NDUFS4: variants seen among roughly 807,000 people sequenced by gnomAD.
NDUFS4 encodes the protein NADH:ubiquinone oxidoreductase subunit S4, also known as NADH dehydrogenase [ubiquinone] iron-sulfur protein 4, mitochondrial.
In NDUFS4, 28 loss-of-function variants were observed where a neutral mutation model predicts 24.3. The ratio of observed to expected loss-of-function variants is 1.15; its 90% CI spans 0.85 to 1.58. The LOEUF is 1.58. NDUFS4 is among the 40% of genes most tolerant of loss of function. The pLI is 0.00. For missense variants in NDUFS4, 223 were observed against 207.9 expected, an observed-to-expected ratio of 1.07 and a Z score of -0.45; for synonymous variants, 93 against 69.7, an observed-to-expected ratio of 1.34 and a Z score of -1.67.
chr5:53,626,593 T>C (rs1751233174), intron 2 of NDUFS4, among the ~76,000 whole-genome samples: 1 of 152,250 alleles, frequency 6.6e-6, no homozygotes, highest in South Asian at 2.1e-4. Flanking sequence ...TGAGATGGTA[T>C]CTCATTGTGG....
At chr5:53,680,920 T>G (rs914994442) in intron 4 of NDUFS4, among the ~76,000 whole-genome samples, 12 of 152,170 alleles carry the variant, frequency 7.9e-5, no homozygotes, top group Admixed American at 5.9e-4. Context: ...AATGCTCTTG[T>G]CTCAGGGCCT....
intron 4 of NDUFS4, among the ~76,000 whole-genome samples, chr5:53,659,852 T>C (rs1369374460): frequency 6.6e-6 from 1 of 152,186 alleles, no homozygotes; most frequent in African/African-American, 2.4e-5. Context: ...AATCTGTATG[T>C]CACTACCTGT....
At chr5:53,659,135 G>T (rs1026063941) in intron 4 of NDUFS4, among the ~76,000 whole-genome samples, 1 of 152,024 alleles carries the variant, frequency 6.6e-6, no homozygotes, top group Non-Finnish European at 1.5e-5. Flanking sequence ...GATATAGTGG[G>T]CCTAATACCA....
chr5:53,607,068 A>G (rs757500835), intron 2 of NDUFS4, among the ~76,000 whole-genome samples: 1 of 152,216 alleles, frequency 6.6e-6, no homozygotes, highest in Non-Finnish European at 1.5e-5. Context: ...AATCCACAAT[A>G]CAGAAGGCAC....
chr5:53,627,253 TA>T (rs1281391443), intron 2 of NDUFS4, among the ~76,000 whole-genome samples: 1 of 152,212 alleles, frequency 6.6e-6, no homozygotes, highest in Non-Finnish European at 1.5e-5. Flanking sequence ...TCTGTTTTGG[TA>T]CCAGTACCAT....
intron 2 of NDUFS4, among the ~76,000 whole-genome samples, chr5:53,610,343 G>T (rs776805379): frequency 1.3e-5 from 2 of 152,024 alleles, no homozygotes. Flanking sequence ...TAATATGGAC[G>T]CAGTTTGTGG....
chr5:53,671,578 G>A (rs1042909495), intron 4 of NDUFS4, among the ~76,000 whole-genome samples: 4 of 152,120 alleles, frequency 2.6e-5, no homozygotes, highest in African/African-American at 7.2e-5. Context: ...TATCATCTGG[G>A]GTTTCCTCTG....
In NDUFS4 at chr5:53,645,730, G is replaced by A. The variant is rs62371574; in HGVS notation, c.178-503G>A. Among the ~76,000 whole-genome samples the A allele has an allele frequency of 3.4e-3, 520 of 152,230 alleles. 1 individual carries two copies. The highest frequency in any genetic ancestry group is 4.7e-3 in the Non-Finnish European group (319 of 67,990). On this transcript the variant is annotated intron_variant, in intron 2 of 4. Transcript: ENST00000296684. ...TTTACAACTTTACAAAAAGGTTCAG[G>A]TTTCCCTCTCAAGGTAATGCCTTGT... is the stretch of plus-strand genomic sequence containing the variant.
chr5:53,566,398 A>C (rs1446003043), intron 1 of NDUFS4, among the ~76,000 whole-genome samples: 2 of 152,152 alleles, frequency 1.3e-5, no homozygotes, highest in Non-Finnish European at 2.9e-5. Flanking sequence ...TCCAAGTAGC[A>C]TTTGTTTTTA....
chr5:53,634,170 T>C (rs757015063), intron 2 of NDUFS4, among the ~76,000 whole-genome samples: 3 of 152,240 alleles, frequency 2.0e-5, no homozygotes, highest in African/African-American at 4.8e-5. Flanking sequence ...TTTATTCTTA[T>C]GCTAAATTGA....
chr5:53,673,424 A>C (rs889436424), intron 4 of NDUFS4, among the ~76,000 whole-genome samples: 1 of 152,142 alleles, frequency 6.6e-6, no homozygotes, highest in Non-Finnish European at 1.5e-5. Flanking sequence ...AGTTTTGGGA[A>C]GGTAAATATC....
At chr5:53,621,990 G>A (rs1751054027) in intron 2 of NDUFS4, among the ~76,000 whole-genome samples, 1 of 151,836 alleles carries the variant, frequency 6.6e-6, no homozygotes, top group Admixed American at 6.6e-5. Context: ...GTGAGCCACC[G>A]CGCCCGGCCG....
At position 53,652,938 on chromosome 5, in the gene NDUFS4, C is replaced by CTT. The variant is rs576656800; in HGVS notation, c.351-5602_351-5601dup. ...AAAGATAACTATTGGTTATTAATCT[C>CTT]TTTTTTTTTTTTACAATCTTTTATC... is the stretch of plus-strand genomic sequence containing the variant. On this transcript the variant is annotated intron_variant, in intron 3 of 4. Coordinates refer to ENST00000296684, the MANE Select transcript of NDUFS4 (RefSeq NM_002495.4). Among the ~76,000 whole-genome samples the CTT allele has an allele frequency of 5.1e-3, 732 of 144,678 alleles. 3 individuals carry two copies. The highest frequency in any genetic ancestry group is 7.5e-3 in the Non-Finnish European group (491 of 65,392). 94.9% of individuals were successfully genotyped at this position (144,678 alleles called of 152,430 possible).
At chr5:53,596,989 A>G (rs1306291652) in intron 1 of NDUFS4, among the ~76,000 whole-genome samples, 1 of 152,216 alleles carries the variant, frequency 6.6e-6, no homozygotes, top group Non-Finnish European at 1.5e-5. Flanking sequence ...CCATCCCAAT[A>G]GTTGCTTAAA....
At chr5:53,681,466 C>A (rs750857575) in intron 4 of NDUFS4, among the ~76,000 whole-genome samples, 13 of 152,156 alleles carry the variant, frequency 8.5e-5, no homozygotes, top group African/African-American at 2.9e-4. Context: ...CTCATGACAA[C>A]CTTATGAAAG....
chr5:53,632,028 C>T (rs1488556397), intron 2 of NDUFS4, among the ~76,000 whole-genome samples: 1 of 152,182 alleles, frequency 6.6e-6, no homozygotes, highest in Non-Finnish European at 1.5e-5. Context: ...GCTCGCCCTC[C>T]GTGGTCTGCA....
chr5:53,570,986 GTTTTT>G (rs1052120120), intron 1 of NDUFS4, among the ~76,000 whole-genome samples: 2 of 151,844 alleles, frequency 1.3e-5, no homozygotes, highest in Non-Finnish European at 2.9e-5. Context: ...GCCCGGCTGT[GTTTTT>G]TATTTTAGCC....
intron 4 of NDUFS4, among the ~76,000 whole-genome samples, chr5:53,667,486 C>CAA (rs34400470): frequency 7.4e-6 from 1 of 135,918 alleles, no homozygotes. Flanking sequence ...ACTCTGTCTC[C>CAA]AAAAAAAAAA....
intron 1 of NDUFS4, among the ~76,000 whole-genome samples, chr5:53,580,689 C>CTTCCTTTCCT (rs543835770): frequency 8.1e-5 from 12 of 147,708 alleles, no homozygotes; most frequent in South Asian, 4.4e-4. Context: ...CTCTTTCGTC[C>CTTCCTTTCCT]TTCCTTTCCT....
Sources: gnomAD v4.1 joint callset for allele counts (sites outside exome capture counted in the v4.1 genomes callset) on GRCh38, gnomAD v4.1.1 for gene constraint, MANE v1.5 for transcripts, NCBI Gene and HGNC (gene_info 2026-07-23, HGNC 2026-07-21) for gene names.